Variants in SIRT1 observed in about 807,000 individuals in gnomAD.
SIRT1 encodes sirtuin 1, also known as NAD-dependent protein deacetylase sirtuin-1.
Under a neutral mutation model 67.9 loss-of-function variants are expected in SIRT1, and 24 were observed. That is an observed-to-expected ratio of 0.35 (90% CI 0.26 to 0.50). SIRT1 has a LOEUF of 0.50. Ranked by LOEUF, SIRT1 falls within the 20% of genes least tolerant of loss-of-function variation. SIRT1 has a pLI of 0.98. For synonymous variants in SIRT1, 378 were observed against 350.7 expected (o/e 1.08, Z -0.87); for missense variants, 873 against 937.2 (o/e 0.93, Z 0.89).
chr10:67,885,989 A>G (rs1429288215), intron 1 of SIRT1, among the ~76,000 whole-genome samples: 1 of 119,110 alleles, frequency 8.4e-6, no homozygotes, highest in Non-Finnish European at 1.6e-5. Context: ...CTCTGTCGCT[A>G]GGCTGGAGTG....
intron 4 of SIRT1, 95 bp from the exon 5 acceptor site, chr10:67,906,695 A>G: frequency 1.7e-6 from 2 of 1,201,210 alleles, no homozygotes; most frequent in South Asian, 1.4e-5. Context: ...TTTTAAAATT[A>G]TGTGTGTGGG....
intron 4 of SIRT1, among the ~76,000 whole-genome samples, chr10:67,893,158 C>T (rs1242048084): frequency 2.0e-5 from 3 of 151,996 alleles, no homozygotes; most frequent in East Asian, 1.9e-4. Context: ...CTTTAAGTGC[C>T]GGGATACATG....
chr10:67,897,819 A>C (rs929918929), intron 4 of SIRT1, among the ~76,000 whole-genome samples: 2 of 152,094 alleles, frequency 1.3e-5, no homozygotes, highest in Non-Finnish European at 2.9e-5. Flanking sequence ...CTTATCCTGC[A>C]TAATGACTTA....
chr10:67,888,818 G>C, intron 2 of SIRT1, 64 bp from the exon 3 acceptor site: 1 of 1,522,958 alleles, frequency 6.6e-7, no homozygotes, highest in Non-Finnish European at 8.8e-7. Context: ...CATTACTTCA[G>C]AAAATAAATG....
Position 67,889,029 on chromosome 10 carries a change from C to G in SIRT1, c.695C>G (p.Pro232Arg). Residue 232 changes from proline (P) to arginine (R), a missense_variant, in exon 3 of 9, where the codon CCA becomes CGA. This residue lies in a region of SIRT1 where 251 missense variants were observed against 358.8 expected (regional missense o/e 0.70). Coordinates refer to ENST00000212015, the MANE Select transcript of SIRT1 (RefSeq NM_012238.5). Reference sequence around the variant, plus strand: ...GTTATTAATATCCTTTCAGAACCACCAAAAAGGAAAAAAAGAAAAGATATT... The same window carrying G: ...GTTATTAATATCCTTTCAGAACCACGAAAAAGGAAAAAAAGAAAAGATATT... ...QIVINILSEP[P>R]KRKKRKDINT... The G allele has an allele frequency of 6.2e-7, 1 of 1,611,590 alleles. No individual in the cohort carries two copies. The highest frequency in any genetic ancestry group is 8.5e-7 in the Non-Finnish European group (1 of 1,179,380).
At chr10:67,887,161 C>T (rs1005786499) in intron 1 of SIRT1, among the ~76,000 whole-genome samples, 1 of 152,140 alleles carries the variant, frequency 6.6e-6, no homozygotes, top group Non-Finnish European at 1.5e-5. Context: ...CGTGAGCCAC[C>T]GCTCCCGGCT....
intron 4 of SIRT1, chr10:67,906,344 TAAATC>T: frequency 1.3e-6 from 2 of 1,507,330 alleles, no homozygotes; most frequent in Non-Finnish European, 8.9e-7. Context: ...TAATGAATGA[TAAATC>T]AAAAAAAAAT....
At chr10:67,889,645 A>G (rs1182813455) in intron 3 of SIRT1, among the ~76,000 whole-genome samples, 2 of 152,214 alleles carry the variant, frequency 1.3e-5, no homozygotes, top group Non-Finnish European at 2.9e-5. Context: ...ACCTAAGACT[A>G]TTGCATAGTG....
At chr10:67,888,781 G>T in intron 2 of SIRT1, 101 bp from the exon 3 acceptor site, 3 of 1,348,696 alleles carry the variant, frequency 2.2e-6, no homozygotes, top group Non-Finnish European at 2.0e-6. Flanking sequence ...TTCTTACTTT[G>T]CAAAAAACCC....
chr10:67,905,141 TCTGTTG>T (rs1842802235), intron 4 of SIRT1, among the ~76,000 whole-genome samples: 1 of 152,214 alleles, frequency 6.6e-6, no homozygotes, highest in Non-Finnish European at 1.5e-5. Flanking sequence ...TCCTATTTTA[TCTGTTG>T]CCTAGCATAT....
intron 4 of SIRT1, among the ~76,000 whole-genome samples, chr10:67,895,707 T>C (rs1364362337): frequency 6.6e-6 from 1 of 151,180 alleles, no homozygotes; most frequent in Non-Finnish European, 1.5e-5. Flanking sequence ...TATCATTGAT[T>C]GTATGTGATT....
At chr10:67,913,933 GAC>G (rs891859645) in intron 8 of SIRT1, among the ~76,000 whole-genome samples, 8 of 148,826 alleles carry the variant, frequency 5.4e-5, no homozygotes, top group Non-Finnish European at 7.4e-5. Context: ...AAGTTATGGA[GAC>G]ACAGTGATTA....
intron 1 of SIRT1, chr10:67,885,357 C>T (rs2131842649): frequency 2.4e-6 from 3 of 1,234,052 alleles, no homozygotes; most frequent in African/African-American, 3.1e-5. Flanking sequence ...TTTCCTCCGT[C>T]CGTGGCCCGC....
At chr10:67,900,452 T>C (rs1296081799) in intron 4 of SIRT1, among the ~76,000 whole-genome samples, 1 of 151,468 alleles carries the variant, frequency 6.6e-6, no homozygotes, top group Non-Finnish European at 1.5e-5. Flanking sequence ...GCTCAACATC[T>C]TATTGTTTGA....
At chr10:67,906,044 C>T in intron 4 of SIRT1, 1 of 836,502 alleles carries the variant, frequency 1.2e-6, no homozygotes, top group Non-Finnish European at 1.6e-6. Flanking sequence ...CTTCCTTTGC[C>T]ATAGTCACTT....
At chr10:67,887,793 C>T (rs1409649188) in intron 2 of SIRT1, among the ~76,000 whole-genome samples, 1 of 152,214 alleles carries the variant, frequency 6.6e-6, no homozygotes, top group African/African-American at 2.4e-5. Context: ...TCAGGCTGGT[C>T]TTGAACTCCC....
At chr10:67,897,111 G>C (rs1430012176) in intron 4 of SIRT1, among the ~76,000 whole-genome samples, 4 of 151,268 alleles carry the variant, frequency 2.6e-5, no homozygotes, top group Non-Finnish European at 5.9e-5. Flanking sequence ...AGCCGAGATC[G>C]CACCACTCTA....
chr10:67,911,434 C>T (rs1842896685), intron 7 of SIRT1, among the ~76,000 whole-genome samples: 1 of 152,030 alleles, frequency 6.6e-6, no homozygotes, highest in African/African-American at 2.4e-5. Context: ...CTCAAGTGAT[C>T]CTTCCTCCTC....
chr10:67,909,972 G>C (rs10823110), intron 7 of SIRT1, among the ~76,000 whole-genome samples: 81,592 of 151,890 alleles, frequency 0.54, 23,542 homozygotes, highest in Non-Finnish European at 0.66. Flanking sequence ...TCAGCCCCTT[G>C]AGTAGCTAGG....
Sources: gnomAD v4.1 joint callset for allele counts (sites outside exome capture counted in the v4.1 genomes callset) on GRCh38, gnomAD v4.1.1 for gene constraint, gnomAD v4.1.1 regional missense constraint, MANE v1.5 for transcripts, NCBI Gene and HGNC (gene_info 2026-07-23, HGNC 2026-07-21) for gene names.